Variants in ADGRF5 observed in about 807,000 individuals in gnomAD.
ADGRF5 encodes the protein G-protein coupled receptor 116.
A neutral mutation model predicts 132.3 loss-of-function variants in ADGRF5; 75 were observed. The observed-to-expected ratio is 0.57, with a 90% CI of 0.47 to 0.69. The LOEUF is 0.69. Among genes scored for constraint, ADGRF5 ranks in the 30% least tolerant of loss-of-function variants. The pLI is 0.00. For synonymous variants in ADGRF5, 629 were observed against 597.6 expected (o/e 1.05, Z -0.77); for missense variants, 1,516 against 1,630.6 (o/e 0.93, Z 1.21).
In ADGRF5 at chr6:46,903,140, G is replaced by A. The variant is rs1277363260; in HGVS notation, c.103-3057C>T. Reference sequence around the variant, plus strand: ...TACCATCCTGAGTCCTCATGTTATCGCAGTTTGGGGAACTGTGGGACTCCA... The same window carrying A: ...TACCATCCTGAGTCCTCATGTTATCACAGTTTGGGGAACTGTGGGACTCCA... On this transcript the variant is annotated intron_variant, in intron 2 of 20. Coordinates refer to ENST00000283296, the MANE Select transcript of ADGRF5 (RefSeq NM_001098518.2). Among the ~76,000 whole-genome samples the A allele has an allele frequency of 2.0e-5, 3 of 152,170 alleles. 1 individual carries two copies. Among genetic ancestry groups the A allele is most frequent in the Admixed American group, 2.0e-4 (3 of 15,284 alleles).
At chr6:46,932,652 G>A (rs1244196170) in intron 1 of ADGRF5, among the ~76,000 whole-genome samples, 1 of 152,092 alleles carries the variant, frequency 6.6e-6, no homozygotes, top group East Asian at 1.9e-4. Context: ...TAATTTATAA[G>A]ACCTACAATA....
At chr6:46,916,371 C>A (rs150514022) in intron 1 of ADGRF5, among the ~76,000 whole-genome samples, 6 of 152,344 alleles carry the variant, frequency 3.9e-5, no homozygotes, top group African/African-American at 1.4e-4. Context: ...CCCAGATGTG[C>A]CAACTGCTGG....
intron 1 of ADGRF5, among the ~76,000 whole-genome samples, chr6:46,911,356 C>T (rs185718514): frequency 5.3e-5 from 8 of 152,294 alleles, no homozygotes; most frequent in African/African-American, 1.4e-4. Flanking sequence ...CCAATGCTCA[C>T]GCAAAAGTAA....
rs764129061 is a variant in ADGRF5 at position 46,881,458 on chromosome 6, T to G, written c.811A>C (p.Ile271Leu). 4 of 1,611,408 alleles carry G rather than the reference T, an allele frequency of 2.5e-6. No homozygotes were observed. The highest frequency in any genetic ancestry group is 2.2e-5 in the East Asian group (1 of 44,866). Residue 271 changes from isoleucine (I) to leucine (L), a missense_variant, in exon 8 of 21, where the codon ATC becomes CTC. This residue lies in a region of ADGRF5 where 945 missense variants were observed against 929.4 expected (regional missense o/e 1.02). Transcript: ENST00000283296. ...MDYNSFQAVTINESNFFVTPE... is the reference protein window; with the variant it reads ...MDYNSFQAVTLNESNFFVTPE... The stretch of plus-strand genomic sequence containing the variant: ...ATATCTAAACAATTTCACTTACTGA[T>G]AGTAACTGCTTGAAAGGAGTTGTAG...
intron 1 of ADGRF5, among the ~76,000 whole-genome samples, chr6:46,914,248 A>C (rs1776233253): frequency 6.6e-6 from 1 of 152,220 alleles, no homozygotes; most frequent in Non-Finnish European, 1.5e-5. Context: ...GAACTGTAGA[A>C]GTACAGATTA....
chr6:46,872,407 G>T (rs1389593926), intron 10 of ADGRF5, among the ~76,000 whole-genome samples: 1 of 152,182 alleles, frequency 6.6e-6, no homozygotes, highest in Non-Finnish European at 1.5e-5. Context: ...ATGGTTTTTT[G>T]AATGTGAACA....
rs1056179341 is a variant in ADGRF5, at chr6:46,881,615, A to G, written c.672-18T>C. 1.2e-6 allele frequency: 2 copies of G among 1,610,430 alleles called. No homozygotes were observed. Among genetic ancestry groups the G allele is most frequent in the Admixed American group, 3.4e-5 (2 of 59,502 alleles). Reference sequence around the variant, plus strand: ...TTCCAGACCTGGACAGAGACCACTCAGTTCAGTAAAACAATAACTGACCTG... The same window carrying G: ...TTCCAGACCTGGACAGAGACCACTCGGTTCAGTAAAACAATAACTGACCTG... On this transcript the variant is annotated intron_variant, in intron 7 of 20. Coordinates refer to ENST00000283296, the MANE Select transcript of ADGRF5 (RefSeq NM_001098518.2).
intron 11 of ADGRF5, among the ~76,000 whole-genome samples, 163 bp downstream of exon 11, chr6:46,871,680 G>C (rs1047346799): frequency 4.6e-5 from 7 of 152,130 alleles, no homozygotes; most frequent in Admixed American, 1.3e-4. Context: ...AAATGGCAGA[G>C]AGAGAAATCC....
In ADGRF5 at chr6:46,853,989, T is replaced by G; in HGVS notation, c.*3A>C. 1 of 1,598,216 alleles carries G rather than the reference T, an allele frequency of 6.3e-7. No individual in the cohort carries two copies. Among genetic ancestry groups the G allele is most frequent in the Non-Finnish European group, 8.5e-7 (1 of 1,171,564 alleles). ...AGGTCACGTAGGTTGGATTATCCTG[T>G]TCTTAGTTGAGCAACGAAGAAGCAC... On this transcript the variant is annotated 3_prime_UTR_variant, in exon 21 of 21. Transcript: ENST00000283296.
intron 3 of ADGRF5, among the ~76,000 whole-genome samples, chr6:46,894,265 G>A (rs1016857571): frequency 6.6e-6 from 1 of 152,212 alleles, no homozygotes; most frequent in Non-Finnish European, 1.5e-5. Context: ...CTACTACTGT[G>A]TGATTGCTCT....
chr6:46,944,699 T>A (rs1191907941), intron 1 of ADGRF5, among the ~76,000 whole-genome samples: 1 of 152,172 alleles, frequency 6.6e-6, no homozygotes, highest in African/African-American at 2.4e-5. Flanking sequence ...ATATTATACA[T>A]CTATTATTAC....
chr6:46,922,797 T>C (rs766341765), upstream of ADGRF5, among the ~76,000 whole-genome samples: 1 of 152,194 alleles, frequency 6.6e-6, no homozygotes, highest in Non-Finnish European at 1.5e-5. Context: ...ATGCAGGTAG[T>C]CCCAAGAGTA....
chr6:46,915,201 C>G (rs1019908735), intron 1 of ADGRF5, among the ~76,000 whole-genome samples: 21 of 152,010 alleles, frequency 1.4e-4, no homozygotes, highest in Admixed American at 7.2e-4. Flanking sequence ...CTTGGCAAAG[C>G]TCATTTTACA....
In ADGRF5 at chr6:46,896,597, T is replaced by C. The variant is rs138675713; in HGVS notation, c.157+3432A>G. 3.7e-3 allele frequency among the ~76,000 whole-genome samples: 570 copies of C among 152,254 alleles called. 6 individuals carry two copies. The highest frequency in any genetic ancestry group is 0.024 in the Middle Eastern group (7 of 294). On this transcript the variant is annotated intron_variant, in intron 3 of 20. Transcript: ENST00000283296. Reference sequence around the variant, plus strand: ...GATAATCCAATTAACATTTTAAAAGTAATATTAACATAACCTTATTTAATC... The same window carrying C: ...GATAATCCAATTAACATTTTAAAAGCAATATTAACATAACCTTATTTAATC...
At chr6:46,912,473 A>T (rs1776034190) in intron 1 of ADGRF5, among the ~76,000 whole-genome samples, 1 of 152,130 alleles carries the variant, frequency 6.6e-6, no homozygotes, top group Non-Finnish European at 1.5e-5. Flanking sequence ...ACATGAAAAG[A>T]GAGCAGGTGA....
In ADGRF5 at chr6:46,872,002, T is replaced by C. The variant is rs1352921850; in HGVS notation, c.1252A>G (p.Thr418Ala). 6.3e-7 allele frequency: 1 copy of C among 1,596,324 alleles called. No individual in the cohort carries two copies. Among genetic ancestry groups the C allele is most frequent in the South Asian group, 1.1e-5 (1 of 89,140 alleles). The part of the protein sequence containing the change: ...GKINIPGTPE[T>A]DIDSSCSRYT... ...CTGCTGCAGCTAGAATCTATGTCTG[T>C]CTCAGGGGTTCCTATAATGAGAAGC... is the stretch of plus-strand genomic sequence containing the variant. The change falls in exon 11 of 21, where the codon ACA (threonine) becomes GCA (alanine). Residue 418 changes from threonine (T) to alanine (A), a missense_variant. Thr to Ala is a moderately conservative substitution (Grantham distance 58, BLOSUM62 0). Transcript: ENST00000283296.
chr6:46,858,186 C>T lies in ADGRF5; in HGVS notation c.3717G>A (p.Val1239=). 1 of 1,614,142 alleles carries T rather than the reference C, an allele frequency of 6.2e-7. No homozygotes were observed. ...GLTWGFGLTT[V]FPGTNLVFHI... is the part of the protein sequence containing the mutation. Reference sequence around the variant, plus strand: ...GGAACACAAGGTTGGTCCCTGGGAACACAGTGGTGAGACCAAAACCCCAAG... The same window carrying T: ...GGAACACAAGGTTGGTCCCTGGGAATACAGTGGTGAGACCAAAACCCCAAG... Residue 1239 remains valine (V), a synonymous_variant, in exon 17 of 21, where the codon GTG becomes GTA. Coordinates refer to ENST00000283296, the MANE Select transcript of ADGRF5 (RefSeq NM_001098518.2).
intron 1 of ADGRF5, among the ~76,000 whole-genome samples, chr6:46,912,901 C>A (rs1776083387): frequency 6.6e-6 from 1 of 152,168 alleles, no homozygotes; most frequent in African/African-American, 2.4e-5. Context: ...ATCAGTACTG[C>A]ACAAAGCCCT....
At chr6:46,935,283 G>A (rs1021464333) in intron 1 of ADGRF5, among the ~76,000 whole-genome samples, 13 of 152,038 alleles carry the variant, frequency 8.6e-5, no homozygotes, top group African/African-American at 7.3e-5. Flanking sequence ...GATTACAGAC[G>A]TGAGCCACTG....
Sources: allele counts gnomAD v4.1 joint callset (sites outside exome capture counted in the v4.1 genomes callset), GRCh38; gene constraint gnomAD v4.1.1; regional missense constraint gnomAD v4.1.1; transcripts MANE v1.5; gene names NCBI Gene and HGNC (gene_info 2026-07-23, HGNC 2026-07-21).